Variants in WDR83 observed in about 807,000 individuals in gnomAD.
The protein encoded by WDR83 is WD repeat domain-containing protein 83.
WDR83 carries 37 observed loss-of-function variants against 37.7 expected under a neutral mutation model. The observed-to-expected ratio is 0.98, with a 90% CI of 0.76 to 1.29. The LOEUF is 1.29. WDR83 is among the 50% of genes most tolerant of loss of function. WDR83 has a pLI of 0.00. For synonymous variants in WDR83, 174 were observed against 181.1 expected, an observed-to-expected ratio of 0.96 and a Z score of 0.31; for missense variants, 445 against 414.4, an observed-to-expected ratio of 1.07 and a Z score of -0.64.
intron 2 of WDR83, chr19:12,669,478 T>G (rs2024347458): frequency 3.9e-6 from 6 of 1,532,384 alleles, no homozygotes; most frequent in Non-Finnish European, 8.8e-7. Flanking sequence ...GAGGGCGGAT[T>G]TTAGAGTAAC....
Position 12,672,888 on chromosome 19 carries a change from G to A in WDR83, c.548G>A (p.Gly183Glu), listed in dbSNP as rs370864929. 150 of 1,597,462 alleles carry A rather than the reference G, an allele frequency of 9.4e-5. No homozygotes were observed. Among genetic ancestry groups the A allele is most frequent in the Non-Finnish European group, 1.2e-4 (144 of 1,172,060 alleles). ...GTGAGACGCTATGACCTAAGGATGG[G>A]GCAGCTCTTCTCAGACTACGTGGGC... The part of the protein sequence containing the change: ...GRVRRYDLRM[G>E]QLFSDYVGSP... The change falls in exon 8 of 11, where the codon GGG becomes GAG. Residue 183 changes from glycine to glutamate, a missense_variant. Physicochemically the swap from Gly to Glu is moderately conservative, Grantham distance 98 (BLOSUM62 -2). Coordinates refer to ENST00000418543, the MANE Select transcript of WDR83 (RefSeq NM_001099737.3).
At chr19:12,673,397 T>C in intron 10 of WDR83, 81 bp downstream of exon 10, 1 of 613,328 alleles carries the variant, frequency 1.6e-6, no homozygotes, top group Non-Finnish European at 2.9e-6. Flanking sequence ...CTCCAGGGCC[T>C]GAAGGCTAGG....
Position 12,673,192 on chromosome 19 carries a change from C to A in WDR83, c.684-10C>A, listed in dbSNP as rs748858465. 1.2e-6 allele frequency: 2 copies of A among 1,613,824 alleles called. No homozygotes were observed. Among genetic ancestry groups the A allele is most frequent in the Non-Finnish European group, 1.7e-6 (2 of 1,179,886 alleles). ...AGAGGACCAAGCCCCCCGATCCTGTCCACCCTTAGGTACAAGGGCCATAAG... is the reference window on the plus strand; with the variant it reads ...AGAGGACCAAGCCCCCCGATCCTGTACACCCTTAGGTACAAGGGCCATAAG... On this transcript the variant is annotated splice_polypyrimidine_tract_variant and intron_variant, in intron 9 of 10. Coordinates refer to ENST00000418543, the MANE Select transcript of WDR83 (RefSeq NM_001099737.3).
At position 12,669,379 on chromosome 19, in the gene WDR83, G is replaced by A. The variant is rs199506396; in HGVS notation, c.-36-376G>A. On this transcript the variant is annotated intron_variant, in intron 2 of 10. Coordinates refer to ENST00000418543, the MANE Select transcript of WDR83 (RefSeq NM_001099737.3). Reference sequence around the variant, plus strand: ...CTCAGCACTTTGTTCGGCCTCCGTGGGTCCGACATATTGTTAGTGGACATA... The same window carrying A: ...CTCAGCACTTTGTTCGGCCTCCGTGAGTCCGACATATTGTTAGTGGACATA... 120 of 1,601,498 alleles carry A rather than the reference G, an allele frequency of 7.5e-5. 1 individual carries two copies. The highest frequency in any genetic ancestry group is 9.1e-5 in the Non-Finnish European group (107 of 1,173,596).
At position 12,670,800 on chromosome 19, in the gene WDR83, C is replaced by CA. The variant is rs775540896; in HGVS notation, c.486dup (p.Asp163ArgfsTer17). The CA allele has an allele frequency of 5.6e-6, 9 of 1,613,598 alleles. No homozygotes were observed. Among genetic ancestry groups the CA allele is most frequent in the Non-Finnish European group, 7.6e-6 (9 of 1,179,878 alleles). On this transcript the variant is annotated frameshift_variant, in exon 7 of 11. Transcript: ENST00000418543. LOFTEE classifies it high-confidence loss of function. ...GATGGCGTGTCCAGTGTGAAGGTGT[C>CA]AGACCACGAGATCCTGGCAGGGTGA...
chr19:12,672,527 G>A, intron 7 of WDR83: 1 of 353,224 alleles, frequency 2.8e-6, no homozygotes. Context: ...AGAATCTCTT[G>A]AACCCGGGAG....
rs1261314597 is a variant in WDR83, at chr19:12,672,991, C to T, written c.575-17C>T. 1.9e-5 allele frequency: 30 copies of T among 1,606,670 alleles called. No individual in the cohort carries two copies. Among genetic ancestry groups the T allele is most frequent in the Admixed American group, 8.4e-5 (5 of 59,378 alleles). ...GGGGCACCCCACCCTCACTCACCTA[C>T]CCACCCTTCCCCCAAGGCCCCATCA... On this transcript the variant is annotated splice_polypyrimidine_tract_variant and intron_variant, in intron 8 of 10. Coordinates refer to ENST00000418543, the MANE Select transcript of WDR83 (RefSeq NM_001099737.3).
intron 2 of WDR83, 101 bp downstream of exon 2, chr19:12,668,728 G>C (rs2024326647): frequency 2.2e-6 from 2 of 923,370 alleles, no homozygotes; most frequent in Admixed American, 4.0e-5. Flanking sequence ...GATGCAGCTG[G>C]GACCTTGCCC....
Position 12,670,575 on chromosome 19 carries a change from G to C in WDR83, c.343G>C (p.Val115Leu), listed in dbSNP as rs1173073667. 2 of 1,614,208 alleles carry C rather than the reference G, an allele frequency of 1.2e-6. No individual in the cohort carries two copies. The highest frequency in any genetic ancestry group is 2.2e-5 in the East Asian group (1 of 44,886). ...FRGHAGKVNT[V>L]QFNEEATVIL... ...ATAACTTTCTCAGAAGGTGAACACG[G>C]TGCAGTTTAATGAAGAGGCCACAGT... Residue 115 changes from valine (V) to leucine (L), a missense_variant, in exon 6 of 11, where the codon GTG becomes CTG. Transcript: ENST00000418543.
Position 12,670,584 on chromosome 19 carries a change from A to G in WDR83, c.352A>G (p.Asn118Asp). 1 of 1,614,218 alleles carries G rather than the reference A, an allele frequency of 6.2e-7. No individual in the cohort carries two copies. Among genetic ancestry groups the G allele is most frequent in the African/African-American group, 1.3e-5 (1 of 75,048 alleles). ...HAGKVNTVQF[N>D]EEATVILSGS... Reference sequence around the variant, plus strand: ...TCAGAAGGTGAACACGGTGCAGTTTAATGAAGAGGCCACAGTTATCCTGTC... The same window carrying G: ...TCAGAAGGTGAACACGGTGCAGTTTGATGAAGAGGCCACAGTTATCCTGTC... Residue 118 changes from asparagine (N) to aspartate (D), a missense_variant, in exon 6 of 11, where the codon AAT becomes GAT. Asn to Asp is a conservative substitution (Grantham distance 23, BLOSUM62 1). Coordinates refer to ENST00000418543, the MANE Select transcript of WDR83 (RefSeq NM_001099737.3).
intron 7 of WDR83, chr19:12,672,200 C>T (rs2024443598): frequency 6.5e-6 from 1 of 153,522 alleles, no homozygotes; most frequent in Non-Finnish European, 1.4e-5. Context: ...AAAAGTGCTC[C>T]CTCTGGTGGC....
chr19:12,667,684 A>G (rs114539324), intron 1 of WDR83, among the ~76,000 whole-genome samples: 2,275 of 152,262 alleles, frequency 0.015, 56 homozygotes, highest in African/African-American at 0.052. Flanking sequence ...TTAACTGGGC[A>G]TGGTAGCACG....
chr19:12,669,230 G>C, intron 2 of WDR83: 1 of 1,613,954 alleles, frequency 6.2e-7, no homozygotes, highest in East Asian at 2.2e-5. Flanking sequence ...GCGGGGGCTT[G>C]TACCTGCGAC....
At chr19:12,668,259 A>G in intron 1 of WDR83, 1 of 1,270,292 alleles carries the variant, frequency 7.9e-7, no homozygotes, top group African/African-American at 1.5e-5. Flanking sequence ...GGCCTCATTC[A>G]GGGAAGTCCA....
chr19:12,674,515 C>T (rs1033938673), intron 10 of WDR83, among the ~76,000 whole-genome samples: 3 of 152,212 alleles, frequency 2.0e-5, no homozygotes, highest in African/African-American at 7.2e-5. Flanking sequence ...AATGTTCCAC[C>T]TATTTCTTAT....
At chr19:12,670,864 G>C (rs774069420) in intron 7 of WDR83, 43 bp downstream of exon 7, 7 of 1,591,094 alleles carry the variant, frequency 4.4e-6, no homozygotes, top group South Asian at 2.3e-5. Context: ...GTGCTACGGG[G>C]AATCATAGCT....
chr19:12,669,497 C>T, intron 2 of WDR83: 1 of 1,449,034 alleles, frequency 6.9e-7, no homozygotes, highest in South Asian at 1.2e-5. Flanking sequence ...ACACCCGAGG[C>T]CCTCGCATTT....
At chr19:12,670,535 C>G in intron 5 of WDR83, 28 bp from the exon 6 acceptor site, 1 of 1,614,188 alleles carries the variant, frequency 6.2e-7, no homozygotes, top group Non-Finnish European at 8.5e-7. Context: ...AAAGTCCAGC[C>G]TCCTCTGAGT....
intron 2 of WDR83, chr19:12,669,380 G>A (rs757183974): frequency 5.6e-6 from 9 of 1,601,400 alleles, no homozygotes; most frequent in East Asian, 2.2e-5. Flanking sequence ...GCCTCCGTGG[G>A]TCCGACATAT....
Sources: allele counts gnomAD v4.1 joint callset (sites outside exome capture counted in the v4.1 genomes callset), GRCh38; gene constraint gnomAD v4.1.1; transcripts MANE v1.5; gene names NCBI Gene and HGNC (gene_info 2026-07-23, HGNC 2026-07-21).